Variants in HIVEP3 observed in about 807,000 individuals in gnomAD.
HIVEP3 encodes the protein HIVEP zinc finger 3.
In HIVEP3, 49 loss-of-function variants were observed where a neutral mutation model predicts 152.8. The ratio of observed to expected loss-of-function variants is 0.32; its 90% CI spans 0.26 to 0.41. HIVEP3 has a LOEUF of 0.41. Among genes scored for constraint, HIVEP3 ranks in the 10% least tolerant of loss-of-function variants. The pLI, the probability that HIVEP3 is intolerant of heterozygous loss-of-function variation, is 1.00. For synonymous variants in HIVEP3, 1,269 were observed against 1,289.0 expected (o/e 0.98, Z 0.33); for missense variants, 2,790 against 3,103.3 (o/e 0.90, Z 2.40).
chr1:41,910,629 A>T lies in HIVEP3; in HGVS notation c.-801+7784T>A, dbSNP rs898019797. Among the ~76,000 whole-genome samples, 5 of 152,134 alleles carry T rather than the reference A, an allele frequency of 3.3e-5. No individual in the cohort carries two copies. In the South Asian group the frequency reaches 1.0e-3, roughly 32 times the overall value. On this transcript the variant is annotated intron_variant, in intron 1 of 8. Transcript: ENST00000372583. ...AATTTTATTAGCAAAAAAACCTAGC[A>T]ATGTATAAGAAATGAACCCATTACA... is the stretch of plus-strand genomic sequence containing the variant.
chr1:41,585,275 G>A lies in HIVEP3; in HGVS notation c.-478C>T. On this transcript the variant is annotated 5_prime_UTR_variant, in exon 4 of 9. Coordinates refer to ENST00000372583, the MANE Select transcript of HIVEP3 (RefSeq NM_024503.5). ...GGTGGCTCTTCTCCCCTTTAGTTCT[G>A]GGTTGGAGATCAACGGCCTTGGAGG... 2.5e-6 allele frequency: 1 copy of A among 399,078 alleles called. No individual in the cohort carries two copies. The allele number at this position is 399,078 out of a possible 1,614,324, so 24.7% of individuals were successfully genotyped here.
At chr1:41,843,374 G>A in intron 1 of HIVEP3, among the ~76,000 whole-genome samples, 1 of 152,162 alleles carries the variant, frequency 6.6e-6, no homozygotes, top group East Asian at 1.9e-4. Context: ...TGGGAAAATA[G>A]CATAAATCAG....
intron 2 of HIVEP3, among the ~76,000 whole-genome samples, chr1:41,657,184 G>A (rs545171405): frequency 3.9e-5 from 6 of 152,290 alleles, no homozygotes; most frequent in South Asian, 2.1e-4. Flanking sequence ...ACAACCTCCC[G>A]ACACTCCCAC....
chr1:41,988,577 A>T, intron 1 of HIVEP3, among the ~76,000 whole-genome samples: 1 of 152,228 alleles, frequency 6.6e-6, no homozygotes, highest in East Asian at 1.9e-4. Flanking sequence ...AGTGTTAGTG[A>T]GGATGTGGTG....
chr1:41,733,535 A>G (rs1220992321), intron 1 of HIVEP3, among the ~76,000 whole-genome samples: 1 of 152,206 alleles, frequency 6.6e-6, no homozygotes, highest in Non-Finnish European at 1.5e-5. Context: ...AGCTCACCTG[A>G]GAGTTGGTGG....
chr1:41,699,201 C>T (rs1646323694), intron 2 of HIVEP3, among the ~76,000 whole-genome samples: 1 of 152,232 alleles, frequency 6.6e-6, no homozygotes, highest in African/African-American at 2.4e-5. Flanking sequence ...CGCTTGAGCT[C>T]TTGCGTTTGA....
intron 1 of HIVEP3, among the ~76,000 whole-genome samples, chr1:41,914,621 C>A (rs1010024533): frequency 1.3e-5 from 2 of 152,202 alleles, no homozygotes; most frequent in Admixed American, 6.5e-5. Context: ...GAGGGTCAGG[C>A]CAAGTTTGGC....
chr1:41,957,402 C>T (rs1341210591), intron 1 of HIVEP3, among the ~76,000 whole-genome samples: 1 of 152,162 alleles, frequency 6.6e-6, no homozygotes. Flanking sequence ...AAATAGAAAA[C>T]TATTGAGCAC....
intron 5 of HIVEP3, among the ~76,000 whole-genome samples, chr1:41,566,079 G>A (rs1644158477): frequency 6.6e-6 from 1 of 152,136 alleles, no homozygotes; most frequent in South Asian, 2.1e-4. Context: ...CAGAAGGCCA[G>A]CACAGTCACC....
chr1:41,856,080 C>T (rs75626055), intron 1 of HIVEP3, among the ~76,000 whole-genome samples: 3 of 152,314 alleles, frequency 2.0e-5, no homozygotes, highest in African/African-American at 4.8e-5. Context: ...TGGAGAATAC[C>T]AGAGCATGGG....
chr1:41,550,799 T>TATACAACC lies in HIVEP3; in HGVS notation c.5207+24737_5207+24744dup, dbSNP rs1344709421. ...GGCTGAGATGATGGGGTTTTCTAAA[T>TATACAACC]ATACAACCATGTCATCTGCAAACAG... On this transcript the variant is annotated intron_variant, in intron 5 of 8. Coordinates refer to ENST00000372583, the MANE Select transcript of HIVEP3 (RefSeq NM_024503.5). Among the ~76,000 whole-genome samples, 7 of 152,360 alleles carry TATACAACC rather than the reference T, an allele frequency of 4.6e-5. No homozygotes were observed. In the East Asian group the frequency reaches 1.3e-3, roughly 29 times the overall value.
intron 1 of HIVEP3, among the ~76,000 whole-genome samples, chr1:41,831,603 T>C (rs1349460085): frequency 2.0e-5 from 3 of 152,242 alleles, no homozygotes; most frequent in East Asian, 3.8e-4. Context: ...GTTAAGGATA[T>C]GTTCAACATG....
At chr1:42,022,324 C>T (rs1441455363) in intron 1 of HIVEP3, among the ~76,000 whole-genome samples, 1 of 152,016 alleles carries the variant, frequency 6.6e-6, no homozygotes. Flanking sequence ...TTTTTATTTC[C>T]TACAAAGCAT....
In HIVEP3 at chr1:41,583,688, C is replaced by G; in HGVS notation, c.1110G>C (p.Glu370Asp). 1.9e-6 allele frequency: 3 copies of G among 1,613,676 alleles called. No homozygotes were observed. The highest frequency in any genetic ancestry group is 2.5e-6 in the Non-Finnish European group (3 of 1,179,732). ...IKQKLALRLSERKKVIDEQAF... is the reference protein window; with the variant it reads ...IKQKLALRLSDRKKVIDEQAF... Reference sequence around the variant, plus strand: ...CCTGCTCATCGATCACCTTCTTCCTCTCGCTTAAGCGGAGGGCCAGCTTCT... The same window carrying G: ...CCTGCTCATCGATCACCTTCTTCCTGTCGCTTAAGCGGAGGGCCAGCTTCT... Residue 370 changes from glutamate to aspartate, a missense_variant, in exon 4 of 9, where the codon GAG becomes GAC. Physicochemically the swap from Glu to Asp is conservative, Grantham distance 45. Transcript: ENST00000372583. The surrounding 1 kb of genome is among the most constrained non-coding windows in gnomAD (Gnocchi z 6.9).
chr1:41,760,059 G>T, intron 1 of HIVEP3, among the ~76,000 whole-genome samples: 1 of 152,186 alleles, frequency 6.6e-6, no homozygotes, highest in East Asian at 1.9e-4. Flanking sequence ...TGTGGTTCTA[G>T]CTACTGGGGA....
intron 1 of HIVEP3, among the ~76,000 whole-genome samples, chr1:41,862,434 C>T (rs951751652): frequency 6.6e-6 from 1 of 152,200 alleles, no homozygotes; most frequent in Admixed American, 6.5e-5. Flanking sequence ...CACACTTATG[C>T]ATATGCTTCA....
intron 1 of HIVEP3, among the ~76,000 whole-genome samples, chr1:41,889,952 T>C (rs181036970): frequency 7.9e-5 from 12 of 152,318 alleles, no homozygotes; most frequent in African/African-American, 2.6e-4. Context: ...CATAATAACA[T>C]TGCCCCATCT....
chr1:41,978,221 T>C (rs1237593684), intron 1 of HIVEP3, among the ~76,000 whole-genome samples: 1 of 152,100 alleles, frequency 6.6e-6, no homozygotes, highest in Non-Finnish European at 1.5e-5. Flanking sequence ...TTCTCAACCC[T>C]TGTGGATCTC....
chr1:41,971,917 A>T (rs1645232067), intron 1 of HIVEP3, among the ~76,000 whole-genome samples: 1 of 152,198 alleles, frequency 6.6e-6, no homozygotes, highest in Non-Finnish European at 1.5e-5. Context: ...CCATGTGAGG[A>T]CACGGTGTTC....
Sources: allele counts gnomAD v4.1 joint callset (sites outside exome capture counted in the v4.1 genomes callset), GRCh38; gene constraint gnomAD v4.1.1; non-coding constraint Gnocchi (gnomAD v3.1); transcripts MANE v1.5; gene names NCBI Gene and HGNC (gene_info 2026-07-23, HGNC 2026-07-21).